MARCHF5: variants seen among roughly 807,000 people sequenced by gnomAD.
The protein encoded by MARCHF5 is E3 ubiquitin-protein ligase MARCHF5.
A neutral mutation model predicts 36.5 loss-of-function variants in MARCHF5; 5 were observed. The observed-to-expected ratio is 0.14, with a 90% CI of 0.07 to 0.29. The LOEUF (loss-of-function observed/expected upper bound fraction) is 0.29, where lower values mean the gene tolerates loss of function less well. Ranked by LOEUF, MARCHF5 falls within the 10% of genes least tolerant of loss-of-function variation. The pLI is 1.00. For missense variants in MARCHF5, 179 were observed against 336.3 expected, an observed-to-expected ratio of 0.53 and a Z score of 3.66; for synonymous variants, 103 against 109.9, an observed-to-expected ratio of 0.94 and a Z score of 0.39.
chr10:92,331,434 C>A (rs182058250), intron 2 of MARCHF5, among the ~76,000 whole-genome samples: 1 of 152,014 alleles, frequency 6.6e-6, no homozygotes, highest in Admixed American at 6.6e-5. Flanking sequence ...CTCCTCCCCC[C>A]CCATAATCTT....
At chr10:92,291,874 A>G (rs1462201948) in intron 1 of MARCHF5, among the ~76,000 whole-genome samples, 3 of 150,668 alleles carry the variant, frequency 2.0e-5, no homozygotes, top group Non-Finnish European at 3.0e-5. Flanking sequence ...TTTGTCAGCG[A>G]TGTCACTGGC....
At chr10:92,348,753 C>T (rs549892757) in intron 3 of MARCHF5, among the ~76,000 whole-genome samples, 7 of 152,240 alleles carry the variant, frequency 4.6e-5, no homozygotes, top group Admixed American at 2.6e-4. Flanking sequence ...AACTGGACCT[C>T]CTACTACAGT....
chr10:92,291,289 T>C lies in MARCHF5; in HGVS notation c.-206T>C. 3.5e-6 allele frequency: 2 copies of C among 563,588 alleles called. No homozygotes were observed. The highest frequency in any genetic ancestry group is 3.6e-5 in the Admixed American group (1 of 28,026). 34.9% of individuals were successfully genotyped at this position (563,588 alleles called of 1,614,324 possible). ...CCGCCTCCCCGCCTCAGGCTCCTCC[T>C]CCTCGCTCTCCGCCGCCTCCGCCGG... On this transcript the variant is annotated 5_prime_UTR_variant, in exon 1 of 6. Transcript: ENST00000358935.
chr10:92,305,663 CAA>C (rs1001926154), intron 1 of MARCHF5, among the ~76,000 whole-genome samples: 7 of 152,274 alleles, frequency 4.6e-5, no homozygotes, highest in East Asian at 1.9e-4. Context: ...TTGGAGAAAA[CAA>C]GAGGAAAAAT....
chr10:92,291,336 C>G lies in MARCHF5; in HGVS notation c.-159C>G, dbSNP rs1338789952. On this transcript the variant is annotated 5_prime_UTR_variant, in exon 1 of 6. Transcript: ENST00000358935. ...CCGGACTCCCGCAGGCCCTGCACCG[C>G]CGCCGCCAGGCTAGCGGAGCTGCCC... The G allele has an allele frequency of 1.5e-6, 1 of 684,312 alleles. No homozygotes were observed. The highest frequency in any genetic ancestry group is 2.5e-6 in the Non-Finnish European group (1 of 395,056). The allele number at this position is 684,312 out of a possible 1,614,324, so 42.4% of individuals were successfully genotyped here.
chr10:92,348,638 A>C (rs1190025936), intron 3 of MARCHF5, among the ~76,000 whole-genome samples: 1 of 152,208 alleles, frequency 6.6e-6, no homozygotes, highest in Non-Finnish European at 1.5e-5. Context: ...AATAGCCCCA[A>C]GACTAGGATA....
intron 1 of MARCHF5, among the ~76,000 whole-genome samples, chr10:92,299,554 A>G (rs1377923293): frequency 2.0e-5 from 3 of 152,136 alleles, no homozygotes; most frequent in Non-Finnish European, 2.9e-5. Context: ...AGCTCCCCCA[A>G]ACAGAGTTAA....
rs147614666 is a variant in MARCHF5 at position 92,338,075 on chromosome 10, A to G, written c.239-2598A>G. Among the ~76,000 whole-genome samples the G allele has an allele frequency of 1.3e-4, 20 of 152,038 alleles. No individual in the cohort carries two copies. The East Asian group carries it at 3.3e-3, about 25-fold the overall frequency. Reference sequence around the variant, plus strand: ...CATGGTGGCGCACATCTGTGGTCCCAGCTACTTGGGGGCTGAGGTGGGAGG... The same window carrying G: ...CATGGTGGCGCACATCTGTGGTCCCGGCTACTTGGGGGCTGAGGTGGGAGG... On this transcript the variant is annotated intron_variant, in intron 2 of 5. Transcript: ENST00000358935.
intron 1 of MARCHF5, among the ~76,000 whole-genome samples, chr10:92,300,806 A>G (rs1218977973): frequency 6.6e-6 from 1 of 151,768 alleles, no homozygotes; most frequent in Non-Finnish European, 1.5e-5. Context: ...CCTTGTTTAT[A>G]ATGCTCTTCT....
In MARCHF5 at chr10:92,347,479, TA is replaced by T. The variant is rs895280052; in HGVS notation, c.370-1869del. On this transcript the variant is annotated intron_variant, in intron 3 of 5. Transcript: ENST00000358935. ...ACTCCGTCTCAGATAGATAGATAGATAGATAGATAGATAGATAGATAGATAG... is the reference window on the plus strand; with the variant it reads ...ACTCCGTCTCAGATAGATAGATAGATGATAGATAGATAGATAGATAGATAG... 2.5e-4 allele frequency among the ~76,000 whole-genome samples: 14 copies of T among 56,180 alleles called. 1 individual carries two copies. The Admixed American group carries it at 2.6e-3, about 11-fold the overall frequency. The allele number at this position is 56,180 out of a possible 152,430, so 36.9% of individuals were successfully genotyped here.
intron 2 of MARCHF5, among the ~76,000 whole-genome samples, chr10:92,318,629 A>G (rs1843245232): frequency 6.7e-6 from 1 of 149,218 alleles, no homozygotes; most frequent in Non-Finnish European, 1.5e-5. Flanking sequence ...ATAAAGGGAG[A>G]GAGAAAGAAC....
rs1843143659 is a variant in MARCHF5 at position 92,311,449 on chromosome 10, T to G, written c.238+112T>G. 3 of 695,200 alleles carry G rather than the reference T, an allele frequency of 4.3e-6. No homozygotes were observed. The South Asian group carries it at 6.1e-5, about 14-fold the overall frequency. The allele number at this position is 695,200 out of a possible 1,614,324, so 43.1% of individuals were successfully genotyped here. ...TTTTTTAGGGTGTGAATTTCTATAT[T>G]CCCTTTCTCTTGTTTCCTCTCTGAA... On this transcript the variant is annotated intron_variant, in intron 2 of 5. Transcript: ENST00000358935.
At chr10:92,322,020 G>A (rs1262232297) in intron 2 of MARCHF5, among the ~76,000 whole-genome samples, 3 of 151,584 alleles carry the variant, frequency 2.0e-5, no homozygotes, top group South Asian at 2.1e-4. Flanking sequence ...CGAGGCGGGC[G>A]GATCACCTGA....
chr10:92,311,455 T>C (rs1249448823), intron 2 of MARCHF5, 118 bp downstream of exon 2: 5 of 674,470 alleles, frequency 7.4e-6, no homozygotes, highest in Non-Finnish European at 9.8e-6. Flanking sequence ...ATATTCCCTT[T>C]CTCTTGTTTC....
Position 92,291,542 on chromosome 10 carries a change from G to A in MARCHF5, c.35+13G>A. 6.5e-7 allele frequency: 1 copy of A among 1,536,420 alleles called. No individual in the cohort carries two copies. ...AGATGCTGGACAGGTACGGGCAGCT[G>A]TGGGGGGGACCGGGAGCCGCCGACC... On this transcript the variant is annotated intron_variant, in intron 1 of 5. Coordinates refer to ENST00000358935, the MANE Select transcript of MARCHF5 (RefSeq NM_017824.5).
chr10:92,314,033 A>G (rs1843177509), intron 2 of MARCHF5, among the ~76,000 whole-genome samples: 1 of 151,920 alleles, frequency 6.6e-6, no homozygotes. Context: ...TCTCTCTACA[A>G]AAAAGAAAAA....
chr10:92,331,678 A>T lies in MARCHF5; in HGVS notation c.239-8995A>T, dbSNP rs1004271127. Among the ~76,000 whole-genome samples, 4 of 151,932 alleles carry T rather than the reference A, an allele frequency of 2.6e-5. No individual in the cohort carries two copies. In the South Asian group the frequency reaches 8.3e-4, roughly 32 times the overall value. On this transcript the variant is annotated intron_variant, in intron 2 of 5. Coordinates refer to ENST00000358935, the MANE Select transcript of MARCHF5 (RefSeq NM_017824.5). ...TACTTAGTAGTTGACCTTACAGCTC[A>T]CAAGTATTCTGTAGCCTATTATTTT...
At chr10:92,347,548 G>C (rs1311394931) in intron 3 of MARCHF5, among the ~76,000 whole-genome samples, 3 of 151,702 alleles carry the variant, frequency 2.0e-5, no homozygotes, top group African/African-American at 7.3e-5. Context: ...TAGATAGATA[G>C]ATAGATAGAT....
chr10:92,328,819 A>AT (rs1426986471), intron 2 of MARCHF5, among the ~76,000 whole-genome samples: 27,199 of 112,982 alleles, frequency 0.24, 3,261 homozygotes, highest in Middle Eastern at 0.38. Flanking sequence ...ATATATATAT[A>AT]TATTTTTTTT....
Sources: allele counts gnomAD v4.1 joint callset (sites outside exome capture counted in the v4.1 genomes callset), GRCh38; gene constraint gnomAD v4.1.1; transcripts MANE v1.5; gene names NCBI Gene and HGNC (gene_info 2026-07-23, HGNC 2026-07-21).